The following CNGA1 variants were observed in gnomAD, a reference collection of about 807,000 sequenced individuals.
CNGA1 encodes the protein cyclic nucleotide-gated channel alpha-1.
A neutral mutation model predicts 69.7 loss-of-function variants in CNGA1; 53 were observed. The observed-to-expected ratio is 0.76, with a 90% CI of 0.61 to 0.96. The LOEUF is 0.96. Among genes scored for constraint, CNGA1 ranks in the 40% least tolerant of loss-of-function variants. The pLI is 0.00. For synonymous variants in CNGA1, 249 were observed against 283.5 expected (o/e 0.88, Z 1.22); for missense variants, 739 against 811.2 (o/e 0.91, Z 1.08).
rs1278912564 is a variant in CNGA1 at position 47,967,503 on chromosome 4, CTA to C, written c.-15+13888_-15+13889del. On this transcript the variant is annotated intron_variant, in intron 3 of 10. Coordinates refer to ENST00000514170, the MANE Select transcript of CNGA1 (RefSeq NM_001379270.1). Reference sequence around the variant, plus strand: ...CATCTGAATTGGAAAAGAAGTAAAACTATTTGTTTGTAGATGACATAATAGTG... The same window carrying C: ...CATCTGAATTGGAAAAGAAGTAAAACTTTGTTTGTAGATGACATAATAGTG... Among the ~76,000 whole-genome samples the C allele has an allele frequency of 2.0e-5, 3 of 152,160 alleles. No individual in the cohort carries two copies. In the South Asian group the frequency reaches 6.2e-4, roughly 32 times the overall value.
chr4:48,002,216 A>T (rs915601041), intron 2 of CNGA1, among the ~76,000 whole-genome samples: 1 of 152,216 alleles, frequency 6.6e-6, no homozygotes, highest in Non-Finnish European at 1.5e-5. Context: ...ATTAAAATTT[A>T]AAAATAGGTA....
intron 2 of CNGA1, among the ~76,000 whole-genome samples, chr4:48,003,414 GA>G (rs1285580654): frequency 2.0e-5 from 3 of 152,124 alleles, no homozygotes; most frequent in Non-Finnish European, 4.4e-5. Flanking sequence ...TTAGCTTAGT[GA>G]CTTAGGAGCC....
intron 5 of CNGA1, among the ~76,000 whole-genome samples, chr4:47,950,890 A>G (rs1739697014): frequency 6.6e-6 from 1 of 152,218 alleles, no homozygotes; most frequent in African/African-American, 2.4e-5. Flanking sequence ...TTAGAGAATA[A>G]CAGCCAACCC....
intron 2 of CNGA1, among the ~76,000 whole-genome samples, chr4:48,004,245 T>C (rs1309428132): frequency 2.6e-5 from 4 of 152,356 alleles, no homozygotes; most frequent in Middle Eastern, 3.4e-3. Flanking sequence ...TCATTGGAGA[T>C]GGCTCACACT....
chr4:47,947,130 T>A (rs1042659099), intron 6 of CNGA1, among the ~76,000 whole-genome samples: 3 of 152,132 alleles, frequency 2.0e-5, no homozygotes, highest in African/African-American at 7.2e-5. Flanking sequence ...GAAATTTCCA[T>A]TTATTTTCCA....
intron 2 of CNGA1, among the ~76,000 whole-genome samples, chr4:47,991,962 A>G (rs1742289269): frequency 6.6e-6 from 1 of 152,104 alleles, no homozygotes; most frequent in Admixed American, 6.5e-5. Context: ...GCTTTGTTGA[A>G]GATCAGTTGG....
chr4:47,950,785 T>C (rs1002909367), intron 5 of CNGA1, among the ~76,000 whole-genome samples: 1 of 152,246 alleles, frequency 6.6e-6, no homozygotes, highest in South Asian at 2.1e-4. Context: ...TCACAACTTC[T>C]TTATTTCCTA....
chr4:47,983,799 A>T (rs956278916), intron 2 of CNGA1, among the ~76,000 whole-genome samples: 1 of 152,180 alleles, frequency 6.6e-6, no homozygotes, highest in Non-Finnish European at 1.5e-5. Context: ...CAATTCTGTG[A>T]AGTAGAAAAG....
chr4:47,951,443 G>A lies in CNGA1; in HGVS notation c.134C>T (p.Ala45Val). The change falls in exon 5 of 11, where the codon GCC (alanine) becomes GTC (valine). Residue 45 changes from alanine (A) to valine (V), a missense_variant. Coordinates refer to ENST00000514170, the MANE Select transcript of CNGA1 (RefSeq NM_001379270.1). The stretch of plus-strand genomic sequence containing the variant: ...ATTCTCTGATTCTTCAGATGTAGAG[G>A]CACTGTCATCATCCTCAGAAAAGGA... ...CSSFSEDDDS[A>V]STSEESENEN... 6.2e-7 allele frequency: 1 copy of A among 1,613,130 alleles called. No homozygotes were observed. The highest frequency in any genetic ancestry group is 1.1e-5 in the South Asian group (1 of 91,076).
At chr4:47,950,006 A>G in intron 5 of CNGA1, 111 bp from the exon 6 acceptor site, 1 of 849,120 alleles carries the variant, frequency 1.2e-6, no homozygotes, top group Non-Finnish European at 2.0e-6. Context: ...ACTCATTACT[A>G]AAGACTATGT....
chr4:48,012,066 T>C (rs1294331289), intron 1 of CNGA1, among the ~76,000 whole-genome samples: 7 of 152,194 alleles, frequency 4.6e-5, no homozygotes, highest in Non-Finnish European at 8.8e-5. Context: ...CTTCAAGATA[T>C]GGCAAAGAAA....
Position 47,936,386 on chromosome 4 carries a change from G to T in CNGA1, c.*35C>A. On this transcript the variant is annotated 3_prime_UTR_variant, in exon 11 of 11. Coordinates refer to ENST00000514170, the MANE Select transcript of CNGA1 (RefSeq NM_001379270.1). ...TCAGTCATAGGATCAAAAGGATCAT[G>T]AGGCATGTCCCTGTTAATGACCAGC... 1 of 1,600,784 alleles carries T rather than the reference G, an allele frequency of 6.2e-7. No homozygotes were observed. Among genetic ancestry groups the T allele is most frequent in the South Asian group, 1.1e-5 (1 of 90,840 alleles).
chr4:47,966,245 C>T (rs1403141071), intron 3 of CNGA1, among the ~76,000 whole-genome samples: 1 of 152,194 alleles, frequency 6.6e-6, no homozygotes, highest in Non-Finnish European at 1.5e-5. Context: ...GGCTCTGCCA[C>T]TTATTAGCTG....
chr4:47,937,800 C>G lies in CNGA1; in HGVS notation c.682G>C (p.Glu228Gln), dbSNP rs761061038. 1.9e-6 allele frequency: 3 copies of G among 1,612,630 alleles called. No individual in the cohort carries two copies. Among genetic ancestry groups the G allele is most frequent in the Non-Finnish European group, 2.5e-6 (3 of 1,179,052 alleles). The change falls in exon 11 of 11, where the codon GAA (glutamate) becomes CAA (glutamine). Residue 228 changes from glutamate (E) to glutamine (Q), a missense_variant. By Grantham distance (29) the Glu-to-Gln change is conservative. Coordinates refer to ENST00000514170, the MANE Select transcript of CNGA1 (RefSeq NM_001379270.1). The part of the protein sequence containing the change: ...GYLEQGLLVK[E>Q]ELKLINKYKS... ...TATTTATTTATGAGTTTAAGTTCTT[C>G]CTTTACCAGCAGTCCTTGTTCTAGG...
chr4:47,953,622 A>T (rs1309020069), intron 3 of CNGA1, among the ~76,000 whole-genome samples: 1 of 152,252 alleles, frequency 6.6e-6, no homozygotes, highest in Non-Finnish European at 1.5e-5. Flanking sequence ...TTATTTCCTC[A>T]GCTCAGGTAG....
intron 8 of CNGA1, chr4:47,942,779 CTCTT>C (rs1272267493): frequency 1.2e-5 from 2 of 171,364 alleles, no homozygotes; most frequent in African/African-American, 4.8e-5. Context: ...AGGTTGCACA[CTCTT>C]TATAAGAATG....
At chr4:47,982,740 C>T (rs1037556341) in intron 2 of CNGA1, among the ~76,000 whole-genome samples, 11 of 151,994 alleles carry the variant, frequency 7.2e-5, no homozygotes, top group African/African-American at 2.7e-4. Flanking sequence ...TTTCATTATA[C>T]CATAATTCAT....
rs377508142 is a variant in CNGA1, at chr4:47,937,484, A to T, written c.998T>A (p.Ile333Asn). The change falls in exon 11 of 11, where the codon ATT becomes AAT. Residue 333 changes from isoleucine to asparagine, a missense_variant. Physicochemically the swap from Ile to Asn is moderately radical, Grantham distance 149. Coordinates refer to ENST00000514170, the MANE Select transcript of CNGA1 (RefSeq NM_001379270.1). ...CAAACGGCCAAATTCAGGATCATTAATATCAGGGTAGACCCATGTATCATT... is the reference window on the plus strand; with the variant it reads ...CAAACGGCCAAATTCAGGATCATTATTATCAGGGTAGACCCATGTATCATT... Reference protein sequence around the residue: ...FGNDTWVYPDINDPEFGRLAR... With the variant: ...FGNDTWVYPDNNDPEFGRLAR... The T allele has an allele frequency of 1.5e-5, 24 of 1,614,098 alleles. No homozygotes were observed. In the African/African-American group the frequency reaches 2.3e-4, roughly 15 times the overall value.
At chr4:47,939,493 G>T in intron 10 of CNGA1, among the ~76,000 whole-genome samples, 1 of 152,252 alleles carries the variant, frequency 6.6e-6, no homozygotes, top group East Asian at 1.9e-4. Flanking sequence ...TCTGTAAGTT[G>T]TGCTAGCAAA....
Sources: allele counts gnomAD v4.1 joint callset (sites outside exome capture counted in the v4.1 genomes callset), GRCh38; gene constraint gnomAD v4.1.1; transcripts MANE v1.5; gene names NCBI Gene and HGNC (gene_info 2026-07-23, HGNC 2026-07-21).